The following PIK3CB variants were observed in gnomAD, a reference collection of about 807,000 sequenced individuals.
PIK3CB encodes the protein phosphatidylinositol-4,5-bisphosphate 3-kinase catalytic subunit beta.
PIK3CB carries 39 observed loss-of-function variants against 136.8 expected under a neutral mutation model. The observed-to-expected ratio is 0.29, with a 90% confidence interval of 0.22 to 0.37. The LOEUF (loss-of-function observed/expected upper bound fraction) is 0.37. PIK3CB is among the 10% of genes least tolerant of loss of function. The pLI is 1.00. For synonymous variants in PIK3CB, 428 were observed against 436.6 expected (o/e 0.98, Z 0.25); for missense variants, 868 against 1,275.4 (o/e 0.68, Z 4.87).
chr3:138,716,461 C>T (rs528610685), intron 8 of PIK3CB, among the ~76,000 whole-genome samples: 2 of 152,338 alleles, frequency 1.3e-5, no homozygotes, highest in East Asian at 3.9e-4. Flanking sequence ...CCAGCAGCTA[C>T]TCAGTCACCT....
intron 1 of PIK3CB, among the ~76,000 whole-genome samples, chr3:138,814,081 A>G (rs2108879409): frequency 6.6e-6 from 1 of 152,262 alleles, no homozygotes; most frequent in East Asian, 1.9e-4. Flanking sequence ...CATTTCTCCC[A>G]TTTTTAAGAG....
intron 8 of PIK3CB, among the ~76,000 whole-genome samples, chr3:138,719,640 A>G (rs1012755309): frequency 6.6e-6 from 1 of 152,140 alleles, no homozygotes; most frequent in Admixed American, 6.6e-5. Flanking sequence ...TTGTTTCTCT[A>G]AATAAAAGTT....
intron 2 of PIK3CB, among the ~76,000 whole-genome samples, chr3:138,763,893 A>G (rs181727583): frequency 1.5e-4 from 22 of 150,456 alleles, no homozygotes; most frequent in Admixed American, 1.4e-3. Context: ...CGGGCAGATC[A>G]TGGGGTCAGA....
At chr3:138,807,066 A>G (rs2046242331) in intron 1 of PIK3CB, among the ~76,000 whole-genome samples, 1 of 152,222 alleles carries the variant, frequency 6.6e-6, no homozygotes, top group South Asian at 2.1e-4. Context: ...ATTTGCCTTC[A>G]TTGTTTCTGG....
At chr3:138,733,705 C>T (rs1382224184) in intron 7 of PIK3CB, among the ~76,000 whole-genome samples, 4 of 152,050 alleles carry the variant, frequency 2.6e-5, no homozygotes, top group South Asian at 2.1e-4. Flanking sequence ...GGTGAAACCC[C>T]GTCTCTACTA....
chr3:138,684,778 GT>G lies in PIK3CB; in HGVS notation c.2161del (p.Thr721LeufsTer2). The G allele has an allele frequency of 6.2e-7, 1 of 1,612,776 alleles. No individual in the cohort carries two copies. Among genetic ancestry groups the G allele is most frequent in the East Asian group, 2.2e-5 (1 of 44,874 alleles). On this transcript the variant is annotated frameshift_variant, in exon 17 of 24. Coordinates refer to ENST00000674063, the MANE Select transcript of PIK3CB (RefSeq NM_006219.3). LOFTEE classifies it high-confidence loss of function. ...ATTCAGTTTGATTAAACTATTTAAA[GT>G]TTTTAACTTATTGAGTGCTTCAACC... ...KQVEALNKLK[T>X]LNSLIKLNAV... is the part of the protein sequence containing the mutation.
At chr3:138,796,111 A>T (rs1359972039) in intron 2 of PIK3CB, among the ~76,000 whole-genome samples, 1 of 152,090 alleles carries the variant, frequency 6.6e-6, no homozygotes. Flanking sequence ...TGCTGGGAGC[A>T]GTGGCTCATG....
intron 4 of PIK3CB, among the ~76,000 whole-genome samples, chr3:138,747,382 T>C (rs2045382698): frequency 6.6e-6 from 1 of 152,018 alleles, no homozygotes; most frequent in African/African-American, 2.4e-5. Context: ...ATATGCAATT[T>C]ACTAGACAGA....
chr3:138,828,515 G>A (rs755328607), intron 1 of PIK3CB, among the ~76,000 whole-genome samples: 2 of 151,882 alleles, frequency 1.3e-5, no homozygotes, highest in Non-Finnish European at 2.9e-5. Flanking sequence ...GCATTGTTCT[G>A]GTTCCTGAAA....
chr3:138,781,441 C>G (rs541321002), intron 2 of PIK3CB, among the ~76,000 whole-genome samples: 4 of 151,822 alleles, frequency 2.6e-5, no homozygotes, highest in African/African-American at 7.3e-5. Flanking sequence ...TAGTGAGACC[C>G]CCATCTCTAC....
chr3:138,808,394 G>T (rs2046256926), intron 1 of PIK3CB, among the ~76,000 whole-genome samples: 1 of 152,098 alleles, frequency 6.6e-6, no homozygotes, highest in Non-Finnish European at 1.5e-5. Flanking sequence ...ACTTTGGGAG[G>T]CCAAGGCAGG....
chr3:138,742,741 A>C lies in PIK3CB; in HGVS notation c.438T>G (p.Asn146Lys), dbSNP rs2045270394. ...EFDSLKDPEVNEFRRKMRKFS... is the reference protein window; with the variant it reads ...EFDSLKDPEVKEFRRKMRKFS... ...ATTTGCGCATTTTTCTTCGAAATTC[A>C]TTTACTTCAGGATCCTTCAAGGAAT... Residue 146 changes from asparagine (N) to lysine (K), a missense_variant, in exon 5 of 24, where the codon AAT becomes AAG. By Grantham distance (94) the Asn-to-Lys change is moderately conservative. Around this residue, in one of 4 missense-constraint regions of PIK3CB, gnomAD observed 612 missense variants for 801.1 expected, o/e 0.76. Transcript: ENST00000674063. 1.2e-6 allele frequency: 2 copies of C among 1,613,144 alleles called. No individual in the cohort carries two copies. The highest frequency in any genetic ancestry group is 1.7e-6 in the Non-Finnish European group (2 of 1,179,472).
intron 18 of PIK3CB, among the ~76,000 whole-genome samples, chr3:138,682,995 T>C (rs2043810732): frequency 6.6e-6 from 1 of 152,096 alleles, no homozygotes; most frequent in Admixed American, 6.6e-5. Flanking sequence ...TTCATCAAAA[T>C]ACAAAACTAT....
At chr3:138,731,269 G>A (rs2044966828) in intron 8 of PIK3CB, among the ~76,000 whole-genome samples, 1 of 149,848 alleles carries the variant, frequency 6.7e-6, no homozygotes, top group South Asian at 2.1e-4. Flanking sequence ...TTTTTTTTGG[G>A]GGAGATTGGG....
At chr3:138,663,866 C>G (rs1381956161) in intron 21 of PIK3CB, 40 bp downstream of exon 21, 1 of 1,591,806 alleles carries the variant, frequency 6.3e-7, no homozygotes, top group Non-Finnish European at 8.5e-7. Context: ...TAAGAAATAG[C>G]ATTACTAAGG....
rs1226671092 is a variant in PIK3CB, at chr3:138,692,588, A to G, written c.1893-1445T>C. Among the ~76,000 whole-genome samples the G allele has an allele frequency of 2.6e-5, 4 of 152,372 alleles. No individual in the cohort carries two copies. In the South Asian group the frequency reaches 8.3e-4, roughly 32 times the overall value. ...CCTATAAATAGTGTAAAAAATAGAA[A>G]GTATAGGAATAGGAAGCTGTTTCCT... On this transcript the variant is annotated intron_variant, in intron 14 of 23. Coordinates refer to ENST00000674063, the MANE Select transcript of PIK3CB (RefSeq NM_006219.3).
chr3:138,658,896 T>G (rs1008037048), intron 21 of PIK3CB, among the ~76,000 whole-genome samples: 1 of 152,236 alleles, frequency 6.6e-6, no homozygotes, highest in Admixed American at 6.5e-5. Flanking sequence ...CAAAACTGTT[T>G]TCCAGACAGT....
chr3:138,682,582 A>G (rs2043804289), intron 18 of PIK3CB, among the ~76,000 whole-genome samples: 1 of 152,230 alleles, frequency 6.6e-6, no homozygotes, highest in South Asian at 2.1e-4. Context: ...AGAGTTCTTA[A>G]GAATCACGTA....
chr3:138,765,856 G>C (rs573748247), intron 2 of PIK3CB, among the ~76,000 whole-genome samples: 2 of 152,080 alleles, frequency 1.3e-5, no homozygotes, highest in African/African-American at 4.8e-5. Flanking sequence ...GGAAGGAAGA[G>C]TGAGACGAAG....
Sources: gnomAD v4.1 joint callset for allele counts (sites outside exome capture counted in the v4.1 genomes callset) on GRCh38, gnomAD v4.1.1 for gene constraint, gnomAD v4.1.1 regional missense constraint, MANE v1.5 for transcripts, NCBI Gene and HGNC (gene_info 2026-07-23, HGNC 2026-07-21) for gene names.